Variants in ZNF74 observed in about 807,000 individuals in gnomAD.
ZNF74 encodes zinc finger protein 74.
ZNF74 carries 12 observed loss-of-function variants against 17.7 expected under a neutral mutation model. The ratio of observed to expected loss-of-function variants is 0.68; its 90% confidence interval spans 0.43 to 1.10. The LOEUF (loss-of-function observed/expected upper bound fraction) is 1.10. Ranked by LOEUF, ZNF74 falls within the 50% of genes least tolerant of loss-of-function variation. The probability of loss-of-function intolerance (pLI) is 0.00; values close to 1 mark genes in which losing one functional copy is unlikely to be tolerated. For missense variants in ZNF74, 811 were observed against 881.0 expected (o/e 0.92, Z 1.01); for synonymous variants, 358 against 362.1 (o/e 0.99, Z 0.13).
At chr22:20,403,691 C>G (rs548985172) in intron 4 of ZNF74, among the ~76,000 whole-genome samples, 1 of 152,214 alleles carries the variant, frequency 6.6e-6, no homozygotes, top group African/African-American at 2.4e-5. Context: ...ACCACTTGAG[C>G]CCAGGAGTTG....
intron 2 of ZNF74, among the ~76,000 whole-genome samples, chr22:20,398,197 G>A (rs969692600): frequency 1.3e-5 from 2 of 151,828 alleles, no homozygotes; most frequent in African/African-American, 4.8e-5. Flanking sequence ...CTCGCCTGTA[G>A]TCCTAGCTAC....
At chr22:20,399,588 T>TTTTTACAGAGTTTGGC in intron 2 of ZNF74, 1 of 415,042 alleles carries the variant, frequency 2.4e-6, no homozygotes, top group South Asian at 1.7e-5. Flanking sequence ...TTTTTTTCTT[T>TTTTTACAGAGTTTGGC]TGACAGAGTT....
At chr22:20,404,884 G>A (rs1035331248) in intron 4 of ZNF74, among the ~76,000 whole-genome samples, 1 of 152,194 alleles carries the variant, frequency 6.6e-6, no homozygotes, top group Non-Finnish European at 1.5e-5. Flanking sequence ...AGCTTGCAGT[G>A]AGCCGAGATC....
Position 20,406,765 on chromosome 22 carries a change from C to A in ZNF74, c.1732C>A (p.His578Asn). 6.2e-7 allele frequency: 1 copy of A among 1,614,164 alleles called. No homozygotes were observed. The highest frequency in any genetic ancestry group is 8.5e-7 in the Non-Finnish European group (1 of 1,180,046). ...SSHLTEHQRL[H>N]SEGKPLAIQF... is the part of the protein sequence containing the mutation. ...GCACCTCACTGAGCACCAGAGGCTG[C>A]ACAGCGAGGGGAAGCCCTTGGCCAT... Residue 578 changes from histidine to asparagine, a missense_variant, in exon 5 of 5, where the codon CAC (histidine) becomes AAC (asparagine). His to Asn is a moderately conservative substitution (Grantham distance 68, BLOSUM62 1). Around this residue, in one of 3 missense-constraint regions of ZNF74, gnomAD observed 115 missense variants for 119.5 expected, o/e 0.96. Transcript: ENST00000400451.
rs1376041300 is a variant in ZNF74, at chr22:20,405,577, A to C, written c.544A>C (p.Arg182=). Residue 182 remains arginine (R), a synonymous_variant, in exon 5 of 5, where the codon AGG becomes CGG. Coordinates refer to ENST00000400451, the MANE Select transcript of ZNF74 (RefSeq NM_003426.4). Reference sequence around the variant, plus strand: ...CGTCCCTGTAGAGGAATTCCCCCTCAGGTGTCCCCTCTTCGCCCAGCAACG... The same window carrying C: ...CGTCCCTGTAGAGGAATTCCCCCTCCGGTGTCCCCTCTTCGCCCAGCAACG... The part of the protein sequence containing the change: ...WDVPVEEFPL[R]CPLFAQQRVP... 2 of 1,611,756 alleles carry C rather than the reference A, an allele frequency of 1.2e-6. No homozygotes were observed. The highest frequency in any genetic ancestry group is 1.7e-5 in the Admixed American group (1 of 59,724).
At chr22:20,396,234 C>T (rs1176441062) in intron 2 of ZNF74, among the ~76,000 whole-genome samples, 1 of 151,536 alleles carries the variant, frequency 6.6e-6, no homozygotes, top group African/African-American at 2.4e-5. Flanking sequence ...CAGATTATAG[C>T]CAGCTAGAAA....
At chr22:20,398,853 T>C (rs2052326691) in intron 2 of ZNF74, among the ~76,000 whole-genome samples, 1 of 152,240 alleles carries the variant, frequency 6.6e-6, no homozygotes, top group Admixed American at 6.5e-5. Context: ...CCTACAACTT[T>C]TGTTATGTCA....
At position 20,395,410 on chromosome 22, in the gene ZNF74, A is replaced by T. The variant is rs753129157; in HGVS notation, c.112A>T (p.Arg38Trp). 1.2e-6 allele frequency: 2 copies of T among 1,603,076 alleles called. No homozygotes were observed. Among genetic ancestry groups the T allele is most frequent in the Non-Finnish European group, 1.7e-6 (2 of 1,171,496 alleles). Reference sequence around the variant, plus strand: ...ATCGGGTTGGGGTCTTCCCGAAGCCAGGTCCAAGGTGAGTGGCTGTGTGTT... The same window carrying T: ...ATCGGGTTGGGGTCTTCCCGAAGCCTGGTCCAAGGTGAGTGGCTGTGTGTT... ...DISGWGLPEA[R>W]SKESVSFKDV... Residue 38 changes from arginine (R) to tryptophan (W), a missense_variant, in exon 2 of 5, where the codon AGG becomes TGG. Arg to Trp is a moderately radical substitution (Grantham distance 101). Transcript: ENST00000400451.
intron 4 of ZNF74, 128 bp from the exon 5 acceptor site, chr22:20,405,249 C>G: frequency 4.9e-6 from 5 of 1,014,312 alleles, no homozygotes; most frequent in Non-Finnish European, 5.8e-6. Flanking sequence ...CCTGCACCTT[C>G]CAGCCTTGGC....
intron 4 of ZNF74, among the ~76,000 whole-genome samples, chr22:20,402,709 G>A (rs1434116527): frequency 6.6e-6 from 1 of 151,508 alleles, no homozygotes; most frequent in Non-Finnish European, 1.5e-5. Flanking sequence ...GCTGAGGCAG[G>A]AGAATCGCTT....
chr22:20,399,261 A>G (rs1189037062), intron 2 of ZNF74, among the ~76,000 whole-genome samples: 2 of 152,190 alleles, frequency 1.3e-5, no homozygotes, highest in African/African-American at 4.8e-5. Context: ...AGATACATTT[A>G]TATTTAGGAT....
rs1601262783 is a variant in ZNF74, at chr22:20,395,120, G to A, written c.35-213G>A. On this transcript the variant is annotated intron_variant, in intron 1 of 4. Coordinates refer to ENST00000400451, the MANE Select transcript of ZNF74 (RefSeq NM_003426.4). ...CAGACGTGCTTGATTGGGGGTAGCAGCTCTTTTCGTCATGAATTGGAGTGT... is the reference window on the plus strand; with the variant it reads ...CAGACGTGCTTGATTGGGGGTAGCAACTCTTTTCGTCATGAATTGGAGTGT... 20 of 499,452 alleles carry A rather than the reference G, an allele frequency of 4.0e-5. No homozygotes were observed. In the East Asian group the frequency reaches 6.5e-4, roughly 16 times the overall value. The allele number at this position is 499,452 out of a possible 1,614,324, so 30.9% of individuals were successfully genotyped here. A position where few individuals can be genotyped will look rare whatever the true frequency, so the allele number is the denominator to read the frequency against.
chr22:20,400,607 G>T, intron 2 of ZNF74, 25 bp from the exon 3 acceptor site: 2 of 1,613,976 alleles, frequency 1.2e-6, no homozygotes, highest in Non-Finnish European at 8.5e-7. Flanking sequence ...ATCAGTCCTG[G>T]GTGAGAACCT....
chr22:20,394,236 G>C lies in ZNF74; in HGVS notation c.-393G>C. Reference sequence around the variant, plus strand: ...CCACTTGCCGGTCCCTCAGACCGTCGGCGGTCTCTGTCCGCTTCGGGACCT... The same window carrying C: ...CCACTTGCCGGTCCCTCAGACCGTCCGCGGTCTCTGTCCGCTTCGGGACCT... On this transcript the variant is annotated 5_prime_UTR_variant, in exon 1 of 5. Transcript: ENST00000400451. 2.9e-6 allele frequency: 2 copies of C among 701,566 alleles called. No homozygotes were observed. Among genetic ancestry groups the C allele is most frequent in the South Asian group, 1.5e-5 (1 of 67,176 alleles). 43.5% of individuals were successfully genotyped at this position (701,566 alleles called of 1,614,324 possible). A position where few individuals can be genotyped will look rare whatever the true frequency, so the allele number is the denominator to read the frequency against.
chr22:20,406,064 G>A lies in ZNF74; in HGVS notation c.1031G>A (p.Ser344Asn). 6.2e-7 allele frequency: 1 copy of A among 1,611,906 alleles called. No individual in the cohort carries two copies. The highest frequency in any genetic ancestry group is 8.5e-7 in the Non-Finnish European group (1 of 1,179,314). ...GCCTGCGAGAAGGCCTTCAGCTGCA[G>A]CTCGCTGCTCAGCATGCACCTGCGG... ...CSACEKAFSC[S>N]SLLSMHLRVH... The change falls in exon 5 of 5, where the codon AGC (serine) becomes AAC (asparagine). Residue 344 changes from serine (S) to asparagine (N), a missense_variant. Around this residue, in one of 3 missense-constraint regions of ZNF74, gnomAD observed 666 missense variants for 702.3 expected, o/e 0.95. Coordinates refer to ENST00000400451, the MANE Select transcript of ZNF74 (RefSeq NM_003426.4).
At chr22:20,404,812 A>G (rs902773748) in intron 4 of ZNF74, among the ~76,000 whole-genome samples, 1 of 152,064 alleles carries the variant, frequency 6.6e-6, no homozygotes, top group African/African-American at 2.4e-5. Flanking sequence ...TTTTTAATTC[A>G]TTTGTTAGTC....
chr22:20,407,998 C>T lies in ZNF74; in HGVS notation c.*1030C>T, dbSNP rs1373069304. On this transcript the variant is annotated 3_prime_UTR_variant, in exon 5 of 5. Coordinates refer to ENST00000400451, the MANE Select transcript of ZNF74 (RefSeq NM_003426.4). ...TCAGGATGGGTGTGTCTGGAAGCTC[C>T]TCTTCACTGACCAGGGCTGGGCAGG... 1 of 152,250 alleles carries T rather than the reference C, an allele frequency of 6.6e-6. No homozygotes were observed. The highest frequency in any genetic ancestry group is 2.4e-5 in the African/African-American group (1 of 41,448). 9.4% of individuals were successfully genotyped at this position (152,250 alleles called of 1,614,324 possible). A position where few individuals can be genotyped will look rare whatever the true frequency, so the allele number is the denominator to read the frequency against.
intron 2 of ZNF74, chr22:20,400,398 A>ACCT: frequency 1.9e-6 from 1 of 529,438 alleles, no homozygotes; most frequent in Non-Finnish European, 3.4e-6. Context: ...GTCTATTCAG[A>ACCT]CCTGCTTTCC....
chr22:20,396,966 C>G (rs1243700031), intron 2 of ZNF74, among the ~76,000 whole-genome samples: 2 of 152,194 alleles, frequency 1.3e-5, no homozygotes, highest in Non-Finnish European at 2.9e-5. Flanking sequence ...CAGACCCTAC[C>G]CTACTCTTGC....
Sources: allele counts gnomAD v4.1 joint callset (sites outside exome capture counted in the v4.1 genomes callset), GRCh38; gene constraint gnomAD v4.1.1; regional missense constraint gnomAD v4.1.1; transcripts MANE v1.5; gene names NCBI Gene and HGNC (gene_info 2026-07-23, HGNC 2026-07-21).